Variants in USP48 observed in about 807,000 individuals in gnomAD.
USP48 encodes ubiquitin specific peptidase 48, also known as ubiquitin carboxyl-terminal hydrolase 48.
Under a neutral mutation model 150.7 loss-of-function variants are expected in USP48, and 43 were observed. The ratio of observed to expected loss-of-function variants is 0.29; its 90% confidence interval spans 0.22 to 0.37. The LOEUF (loss-of-function observed/expected upper bound fraction) is 0.37. Ranked by LOEUF, USP48 falls within the 10% of genes least tolerant of loss-of-function variation. The pLI, the probability that USP48 is intolerant of heterozygous loss-of-function variation, is 1.00. For synonymous variants in USP48, 396 were observed against 425.9 expected (o/e 0.93, Z 0.86); for missense variants, 813 against 1,249.6 (o/e 0.65, Z 5.27).
At chr1:21,718,128 C>T (rs1007760667) in intron 14 of USP48, among the ~76,000 whole-genome samples, 2 of 152,100 alleles carry the variant, frequency 1.3e-5, no homozygotes, top group East Asian at 1.9e-4. Flanking sequence ...CAGAAATAAT[C>T]GGAAAATTCT....
At chr1:21,750,616 T>G (rs2152575468) in intron 6 of USP48, among the ~76,000 whole-genome samples, 1 of 152,238 alleles carries the variant, frequency 6.6e-6, no homozygotes, top group South Asian at 2.1e-4. Flanking sequence ...TTCACGTGTG[T>G]AATCCCAGCA....
chr1:21,719,004 C>T (rs1160238828), intron 14 of USP48, among the ~76,000 whole-genome samples: 2 of 152,030 alleles, frequency 1.3e-5, no homozygotes, highest in African/African-American at 4.8e-5. Context: ...CAGTAGCTCA[C>T]ACCTGTAATC....
chr1:21,715,222 G>A, intron 15 of USP48, 167 bp downstream of exon 15: 1 of 536,278 alleles, frequency 1.9e-6, no homozygotes, highest in South Asian at 2.5e-5. Context: ...TGGAACAAGT[G>A]ACAAGAAGTT....
rs117643906 is a variant in USP48, at chr1:21,684,937, T to A, written c.3058+2254A>T. ...CAATACCATGCTGTTTAGGTTACCA[T>A]AGCTTTGTAGTATATTTTGAAACCA... On this transcript the variant is annotated intron_variant, in intron 25 of 26. Coordinates refer to ENST00000308271, the MANE Select transcript of USP48 (RefSeq NM_032236.8). 5.2e-4 allele frequency among the ~76,000 whole-genome samples: 79 copies of A among 152,334 alleles called. 1 individual carries two copies. In the East Asian group the frequency reaches 0.014, roughly 26 times the overall value.
chr1:21,753,525 C>CTG (rs113116069), intron 3 of USP48, among the ~76,000 whole-genome samples: 11,550 of 146,668 alleles, frequency 0.079, 493 homozygotes, highest in Middle Eastern at 0.13. Flanking sequence ...CAAAGTGAGA[C>CTG]TCTCAAAAAC....
intron 1 of USP48, among the ~76,000 whole-genome samples, chr1:21,781,307 T>C (rs899651012): frequency 6.6e-6 from 1 of 151,776 alleles, no homozygotes; most frequent in Non-Finnish European, 1.5e-5. Context: ...GGCATGATGG[T>C]GCATGCCTGT....
At chr1:21,689,337 G>A (rs1571700307) in intron 24 of USP48, among the ~76,000 whole-genome samples, 2 of 149,262 alleles carry the variant, frequency 1.3e-5, no homozygotes, top group South Asian at 2.1e-4. Flanking sequence ...CGGGGGGCGG[G>A]GGGTTGGAGG....
intron 3 of USP48, among the ~76,000 whole-genome samples, chr1:21,754,166 A>G (rs938130579): frequency 9.7e-5 from 14 of 144,444 alleles, no homozygotes; most frequent in African/African-American, 2.3e-4. Flanking sequence ...ATCTGGGAGG[A>G]AAAAAAAAAA....
intron 4 of USP48, among the ~76,000 whole-genome samples, 154 bp from the exon 5 acceptor site, chr1:21,752,805 C>T (rs1170471183): frequency 1.3e-5 from 2 of 152,202 alleles, no homozygotes; most frequent in South Asian, 2.1e-4. Context: ...TTTGTGCCCC[C>T]ATATGAATTT....
At chr1:21,702,609 C>A (rs945771376) in intron 21 of USP48, among the ~76,000 whole-genome samples, 1 of 144,640 alleles carries the variant, frequency 6.9e-6, no homozygotes, top group South Asian at 2.3e-4. Context: ...CATGACCTTG[C>A]TTGAAACTCT....
At chr1:21,775,737 C>A (rs2097896553) in intron 1 of USP48, among the ~76,000 whole-genome samples, 1 of 152,150 alleles carries the variant, frequency 6.6e-6, no homozygotes. Flanking sequence ...ATAAGTAAAT[C>A]CAGCCTTTGA....
At chr1:21,679,490 G>A (rs1274765437) in intron 26 of USP48, 51 bp from the exon 27 acceptor site, 1 of 1,607,210 alleles carries the variant, frequency 6.2e-7, no homozygotes, top group Non-Finnish European at 8.5e-7. Flanking sequence ...CAGATTAAAA[G>A]TTCATGGATT....
At chr1:21,763,382 A>G (rs2097854537) in intron 1 of USP48, among the ~76,000 whole-genome samples, 1 of 152,180 alleles carries the variant, frequency 6.6e-6, no homozygotes, top group African/African-American at 2.4e-5. Flanking sequence ...CAAAAAGCCA[A>G]TGGCGGTGCT....
At chr1:21,746,950 A>G in intron 8 of USP48, 117 bp downstream of exon 8, 1 of 727,236 alleles carries the variant, frequency 1.4e-6, no homozygotes, top group South Asian at 2.1e-5. Context: ...AGAGGTTCCC[A>G]GAGAGAGATT....
At chr1:21,781,297 G>A (rs2097913920) in intron 1 of USP48, among the ~76,000 whole-genome samples, 1 of 151,750 alleles carries the variant, frequency 6.6e-6, no homozygotes, top group South Asian at 2.1e-4. Flanking sequence ...AAATTAGCCG[G>A]GCATGATGGT....
intron 8 of USP48, among the ~76,000 whole-genome samples, chr1:21,743,721 G>T (rs887699497): frequency 6.6e-6 from 1 of 152,002 alleles, no homozygotes. Context: ...AGGCTTCCGG[G>T]GTACCAGAAA....
chr1:21,706,635 G>A (rs1376102215), intron 16 of USP48, 46 bp from the exon 17 acceptor site: 1 of 1,613,502 alleles, frequency 6.2e-7, no homozygotes. Context: ...GACAGCACAT[G>A]ACCTGCCTCC....
intron 14 of USP48, among the ~76,000 whole-genome samples, chr1:21,717,931 G>A (rs1351068620): frequency 2.0e-5 from 3 of 152,164 alleles, no homozygotes; most frequent in South Asian, 2.1e-4. Context: ...GGGAGACTCC[G>A]TCTCAAAAAC....
intron 8 of USP48, 86 bp downstream of exon 8, chr1:21,746,981 T>C (rs1170116760): frequency 7.5e-6 from 8 of 1,072,252 alleles, no homozygotes; most frequent in Non-Finnish European, 1.0e-5. Flanking sequence ...AATTGGCAAT[T>C]GACTGCTATT....
Sources: allele counts gnomAD v4.1 joint callset (sites outside exome capture counted in the v4.1 genomes callset), GRCh38; gene constraint gnomAD v4.1.1; transcripts MANE v1.5; gene names NCBI Gene and HGNC (gene_info 2026-07-23, HGNC 2026-07-21).